The following KCTD17 variants were observed in gnomAD, a reference collection of about 807,000 sequenced individuals.
KCTD17 encodes the protein potassium channel tetramerization domain containing 17.
Under a neutral mutation model 41.5 loss-of-function variants are expected in KCTD17, and 20 were observed. The ratio of observed to expected loss-of-function variants is 0.48; its 90% CI spans 0.34 to 0.70. The LOEUF is 0.70. Ranked by LOEUF, KCTD17 falls within the 30% of genes least tolerant of loss-of-function variation. The probability of loss-of-function intolerance (pLI) is 0.01; values close to 1 mark genes in which losing one functional copy is unlikely to be tolerated. For missense variants in KCTD17, 317 were observed against 427.2 expected, an observed-to-expected ratio of 0.74 and a Z score of 2.27; for synonymous variants, 156 against 173.8, an observed-to-expected ratio of 0.90 and a Z score of 0.80.
intron 8 of KCTD17, 168 bp from the exon 9 acceptor site, chr22:37,062,356 GC>G (rs1925891585): frequency 3.0e-6 from 3 of 984,576 alleles, no homozygotes; most frequent in South Asian, 9.4e-5. Flanking sequence ...TTGGGCCTCA[GC>G]CCCACCCCCT....
chr22:37,059,213 C>A, intron 4 of KCTD17, 100 bp from the exon 5 acceptor site: 1 of 1,531,968 alleles, frequency 6.5e-7, no homozygotes, highest in South Asian at 1.1e-5. Context: ...AGATTAGGAC[C>A]TGAGCTGGTA....
intron 2 of KCTD17, 73 bp from the exon 3 acceptor site, chr22:37,056,247 G>A: frequency 7.5e-7 from 1 of 1,341,314 alleles, no homozygotes. Context: ...TGGGTTTCGG[G>A]GTGGAGGGAA....
In KCTD17 at chr22:37,056,435, C is replaced by T. The variant is rs183791733; in HGVS notation, c.390+24C>T. On this transcript the variant is annotated intron_variant, in intron 3 of 8. Transcript: ENST00000403888. ...AGGTCGGGAGCAGGGGCAGCACACA[C>T]GGCCAGGGCAGGGGCCAGTGGGGAG... is the stretch of plus-strand genomic sequence containing the variant. 501 of 1,592,274 alleles carry T rather than the reference C, an allele frequency of 3.1e-4. 1 individual carries two copies. In the African/African-American group the frequency reaches 5.2e-3, roughly 17 times the overall value.
At chr22:37,060,984 G>T in intron 6 of KCTD17, 62 bp downstream of exon 6, 1 of 1,542,850 alleles carries the variant, frequency 6.5e-7, no homozygotes, top group Non-Finnish European at 8.8e-7. Context: ...CCCACTCCTT[G>T]CTGGAGCCAG....
chr22:37,059,002 C>T (rs1281600563), intron 4 of KCTD17, among the ~76,000 whole-genome samples: 2 of 152,188 alleles, frequency 1.3e-5, no homozygotes, highest in African/African-American at 4.8e-5. Context: ...AAAAGGGCCC[C>T]CTGGCTCTGG....
rs143272755 is a variant in KCTD17, at chr22:37,061,954, G to A, written c.875+325G>A. On this transcript the variant is annotated intron_variant, in intron 8 of 8. Coordinates refer to ENST00000403888, the MANE Select transcript of KCTD17 (RefSeq NM_001282684.2). The surrounding 1 kb of genome is among the most constrained non-coding windows in gnomAD (Gnocchi z 6.6). The stretch of plus-strand genomic sequence containing the variant: ...ATTTCTGTGGGGATGGGGAGGACAG[G>A]CCACTTTTGGATACCCTTGGCCCAT... 2.7e-4 allele frequency: 264 copies of A among 985,418 alleles called. 2 individuals are homozygous for A. The African/African-American group carries it at 4.1e-3, about 15-fold the overall frequency. The allele number at this position is 985,418 out of a possible 1,614,324, so 61.0% of individuals were successfully genotyped here. A position where few individuals can be genotyped will look rare whatever the true frequency, so the allele number is the denominator to read the frequency against.
intron 2 of KCTD17, among the ~76,000 whole-genome samples, chr22:37,054,705 A>C (rs952967018): frequency 6.6e-6 from 1 of 152,136 alleles, no homozygotes; most frequent in Non-Finnish European, 1.5e-5. Flanking sequence ...TTAATAGTGC[A>C]GCATGGAGCT....
intron 5 of KCTD17, among the ~76,000 whole-genome samples, chr22:37,059,692 G>A (rs549282598): frequency 1.3e-5 from 2 of 152,338 alleles, no homozygotes; most frequent in Admixed American, 1.3e-4. Flanking sequence ...GAAGGGGGCC[G>A]CTTAGTGGCC....
chr22:37,053,358 A>C lies in KCTD17; in HGVS notation c.298+150A>C, dbSNP rs1024041484. 2.1e-5 allele frequency: 14 copies of C among 663,950 alleles called. No individual in the cohort carries two copies. Among genetic ancestry groups the C allele is most frequent in the Non-Finnish European group, 3.2e-5 (12 of 380,706 alleles). The allele number at this position is 663,950 out of a possible 1,614,324, so 41.1% of individuals were successfully genotyped here. The stretch of plus-strand genomic sequence containing the variant: ...AGTCGGACGGGGCTGATTCCCAAGC[A>C]TCTGCCTGTGCCGAGCCTGGGGCTC... On this transcript the variant is annotated intron_variant, in intron 2 of 8. Transcript: ENST00000403888. This position sits in a 1 kb window ranked among gnomAD's most constrained non-coding sequence, Gnocchi z 4.1.
intron 1 of KCTD17, chr22:37,052,504 C>T: frequency 4.3e-6 from 2 of 465,514 alleles, no homozygotes; most frequent in Non-Finnish European, 8.8e-6. Context: ...CGCTCAGCCT[C>T]CTTCCTCATC....
At chr22:37,058,995 AG>A (rs1417676484) in intron 4 of KCTD17, among the ~76,000 whole-genome samples, 2 of 152,178 alleles carry the variant, frequency 1.3e-5, no homozygotes, top group Non-Finnish European at 2.9e-5. Context: ...CATTTAGAAA[AG>A]GGCCCCCTGG....
rs1924517047 is a variant in KCTD17, at chr22:37,051,855, G to A, written c.95G>A (p.Gly32Asp). The A allele has an allele frequency of 6.8e-7, 1 of 1,471,532 alleles. No individual in the cohort carries two copies. Among genetic ancestry groups the A allele is most frequent in the Non-Finnish European group, 9.0e-7 (1 of 1,110,850 alleles). The allele number at this position is 1,471,532 out of a possible 1,614,324, so 91.2% of individuals were successfully genotyped here. ...AAGTGGGTGCGGCTCAACGTGGGGG[G>A]CACGGTGTTCCTGACCACCCGGCAG... is the stretch of plus-strand genomic sequence containing the variant. ...WGKWVRLNVG[G>D]TVFLTTRQTL... is the part of the protein sequence containing the mutation. Residue 32 changes from glycine (G) to aspartate (D), a missense_variant, in exon 1 of 9, where the codon GGC (glycine) becomes GAC (aspartate). Transcript: ENST00000403888.
At chr22:37,062,052 CT>C (rs1293462089) in intron 8 of KCTD17, 9 of 982,826 alleles carry the variant, frequency 9.2e-6, no homozygotes, top group South Asian at 4.7e-5. Flanking sequence ...CACAAGCCCC[CT>C]ATCCCACTCT....
At position 37,062,813 on chromosome 22, in the gene KCTD17, G is replaced by C. The variant is rs1427927159; in HGVS notation, c.*219G>C. ...CAGATGTGTGGCAATGTCTGGCTGT[G>C]TCTCTCCGGCACCTGCGTCCCCTCT... On this transcript the variant is annotated 3_prime_UTR_variant, in exon 9 of 9. Coordinates refer to ENST00000403888, the MANE Select transcript of KCTD17 (RefSeq NM_001282684.2). 5.7e-6 allele frequency: 6 copies of C among 1,056,334 alleles called. No homozygotes were observed. In the East Asian group the frequency reaches 1.6e-4, roughly 29 times the overall value. The allele number at this position is 1,056,334 out of a possible 1,614,324, so 65.4% of individuals were successfully genotyped here. A position where few individuals can be genotyped will look rare whatever the true frequency, so the allele number is the denominator to read the frequency against.
chr22:37,061,036 G>C lies in KCTD17; in HGVS notation c.713-68G>C. ...CCCGGGGCTGCTGGGGGGGCACCAG[G>C]GTTAGCTCAGCCACTTGCCTGGCGC... On this transcript the variant is annotated intron_variant, in intron 6 of 8. Coordinates refer to ENST00000403888, the MANE Select transcript of KCTD17 (RefSeq NM_001282684.2). The surrounding 1 kb of genome is among the most constrained non-coding windows in gnomAD (Gnocchi z 6.6). The C allele has an allele frequency of 6.4e-7, 1 of 1,550,936 alleles. No individual in the cohort carries two copies. Among genetic ancestry groups the C allele is most frequent in the Non-Finnish European group, 8.7e-7 (1 of 1,146,574 alleles).
chr22:37,062,669 G>T lies in KCTD17; in HGVS notation c.*75G>T, dbSNP rs1251851894. 1 of 1,556,338 alleles carries T rather than the reference G, an allele frequency of 6.4e-7. No homozygotes were observed. The highest frequency in any genetic ancestry group is 2.4e-5 in the East Asian group (1 of 41,664). ...AAGCACCCTCTCCCCGGCCTCCTCT[G>T]TCTGCACCCGTGGGGCTGTGACTTA... On this transcript the variant is annotated 3_prime_UTR_variant, in exon 9 of 9. Transcript: ENST00000403888.
Position 37,053,395 on chromosome 22 carries a change from C to T in KCTD17, c.298+187C>T, listed in dbSNP as rs531186109. On this transcript the variant is annotated intron_variant, in intron 2 of 8. Coordinates refer to ENST00000403888, the MANE Select transcript of KCTD17 (RefSeq NM_001282684.2). This position sits in a 1 kb window ranked among gnomAD's most constrained non-coding sequence, Gnocchi z 4.1. ...CGAGCCTGGGGCTCTGCCAAGCGGA[C>T]GGGCTCAAGCTTTCCCTGGGTACTG... Among the ~76,000 whole-genome samples, 16 of 152,330 alleles carry T rather than the reference C, an allele frequency of 1.1e-4. No homozygotes were observed. The highest frequency in any genetic ancestry group is 5.2e-4 in the Admixed American group (8 of 15,308).
rs914607041 is a variant in KCTD17 at position 37,061,509 on chromosome 22, C to T, written c.785-30C>T. 3.0e-5 allele frequency: 47 copies of T among 1,591,070 alleles called. No individual in the cohort carries two copies. The highest frequency in any genetic ancestry group is 3.7e-5 in the Non-Finnish European group (43 of 1,174,902). On this transcript the variant is annotated intron_variant, in intron 7 of 8. Coordinates refer to ENST00000403888, the MANE Select transcript of KCTD17 (RefSeq NM_001282684.2). The surrounding 1 kb of genome is among the most constrained non-coding windows in gnomAD (Gnocchi z 6.6). Reference sequence around the variant, plus strand: ...GGCCCTGCCCCCCCTCCTCTCCTCCCGGCCTCCTCCTCACGTTTCCTCCTT... The same window carrying T: ...GGCCCTGCCCCCCCTCCTCTCCTCCTGGCCTCCTCCTCACGTTTCCTCCTT...
chr22:37,058,086 A>T (rs1925352352), intron 4 of KCTD17, among the ~76,000 whole-genome samples: 5 of 152,234 alleles, frequency 3.3e-5, no homozygotes, highest in Admixed American at 2.0e-4. Context: ...ATCCCTAGTC[A>T]TGCAGCTGAC....
Sources: allele counts gnomAD v4.1 joint callset (sites outside exome capture counted in the v4.1 genomes callset), GRCh38; gene constraint gnomAD v4.1.1; non-coding constraint Gnocchi (gnomAD v3.1); transcripts MANE v1.5; gene names NCBI Gene and HGNC (gene_info 2026-07-23, HGNC 2026-07-21).